The following SLC7A13 variants were observed in gnomAD, a reference collection of about 807,000 sequenced individuals.
SLC7A13 encodes solute carrier family 7 member 13, also known as X-amino acid transporter 2.
In SLC7A13, 31 loss-of-function variants were observed where a neutral mutation model predicts 32.0. That is an observed-to-expected ratio of 0.97 (90% CI 0.73 to 1.31). The LOEUF (loss-of-function observed/expected upper bound fraction) is 1.31. Ranked by LOEUF, SLC7A13 falls within the 50% of genes most tolerant of loss-of-function variation. The pLI, the probability that SLC7A13 is intolerant of heterozygous loss-of-function variation, is 0.00. For missense variants in SLC7A13, 633 were observed against 546.9 expected (o/e 1.16, Z -1.57); for synonymous variants, 232 against 206.9 (o/e 1.12, Z -1.04).
chr8:86,214,663 T>C lies in SLC7A13; in HGVS notation c.1180-17A>G, dbSNP rs754251685. Reference sequence around the variant, plus strand: ...CAAAAACACCTGAAAAGAGCAAAGTTTGAAAAAATATTGGATATGAACATC... The same window carrying C: ...CAAAAACACCTGAAAAGAGCAAAGTCTGAAAAAATATTGGATATGAACATC... On this transcript the variant is annotated splice_polypyrimidine_tract_variant and intron_variant, in intron 3 of 3. Coordinates refer to ENST00000297524, the MANE Select transcript of SLC7A13 (RefSeq NM_138817.3). 4.4e-6 allele frequency: 7 copies of C among 1,573,266 alleles called. No homozygotes were observed. The highest frequency in any genetic ancestry group is 3.5e-6 in the Non-Finnish European group (4 of 1,156,006).
rs148129848 is a variant in SLC7A13, at chr8:86,216,893, G to A, written c.1179+577C>T. Among the ~76,000 whole-genome samples, 354 of 152,250 alleles carry A rather than the reference G, an allele frequency of 2.3e-3. 3 individuals are homozygous for A. The highest frequency in any genetic ancestry group is 7.1e-3 in the African/African-American group (297 of 41,568). Reference sequence around the variant, plus strand: ...ATTTTATTATTCTGATAATCAGACCGTCAGGGCCATCTTTCTCCAATAACG... The same window carrying A: ...ATTTTATTATTCTGATAATCAGACCATCAGGGCCATCTTTCTCCAATAACG... On this transcript the variant is annotated intron_variant, in intron 3 of 3. Coordinates refer to ENST00000297524, the MANE Select transcript of SLC7A13 (RefSeq NM_138817.3).
At position 86,217,619 on chromosome 8, in the gene SLC7A13, CA is replaced by C; in HGVS notation, c.1029del (p.Val344SerfsTer10). On this transcript the variant is annotated frameshift_variant, in exon 3 of 4. Coordinates refer to ENST00000297524, the MANE Select transcript of SLC7A13 (RefSeq NM_138817.3). LOFTEE classifies it high-confidence loss of function. ...HSSPFTAVLL[L>X]VTLGSLAIIL... ...ATAATTGCAAGGGATCCCAAAGTGACAAGTAGTAGCACAGCTGTAAATGGAG... is the reference window on the plus strand; with the variant it reads ...ATAATTGCAAGGGATCCCAAAGTGACAGTAGTAGCACAGCTGTAAATGGAG... 1 of 1,613,234 alleles carries C rather than the reference CA, an allele frequency of 6.2e-7. No individual in the cohort carries two copies. The highest frequency in any genetic ancestry group is 1.1e-5 in the South Asian group (1 of 91,006).
intron 2 of SLC7A13, among the ~76,000 whole-genome samples, chr8:86,221,001 A>AAC (rs1820287338): frequency 1.3e-5 from 2 of 152,044 alleles, no homozygotes; most frequent in East Asian, 3.9e-4. Flanking sequence ...TCAAAAAAAA[A>AAC]AAAAAAAACT....
rs1469654933 is a variant in SLC7A13, at chr8:86,214,288, T to C, written c.*125A>G. The C allele has an allele frequency of 3.1e-6, 2 of 647,932 alleles. No homozygotes were observed. Among genetic ancestry groups the C allele is most frequent in the African/African-American group, 1.8e-5 (1 of 54,708 alleles). The allele number at this position is 647,932 out of a possible 1,614,324, so 40.1% of individuals were successfully genotyped here. A position where few individuals can be genotyped will look rare whatever the true frequency, so the allele number is the denominator to read the frequency against. On this transcript the variant is annotated 3_prime_UTR_variant, in exon 4 of 4. Transcript: ENST00000297524. Reference sequence around the variant, plus strand: ...CTTTTGTATACATTACTTATTTCATTTGAGAAAAAAATATTTACCATAGGA... The same window carrying C: ...CTTTTGTATACATTACTTATTTCATCTGAGAAAAAAATATTTACCATAGGA...
chr8:86,219,550 CAA>C (rs1229932997), intron 2 of SLC7A13, among the ~76,000 whole-genome samples: 1 of 152,128 alleles, frequency 6.6e-6, no homozygotes, highest in Non-Finnish European at 1.5e-5. Flanking sequence ...TCATGCGGAG[CAA>C]TGTAACTACC....
intron 3 of SLC7A13, among the ~76,000 whole-genome samples, chr8:86,216,016 G>A (rs1021190382): frequency 3.9e-5 from 6 of 152,022 alleles, no homozygotes; most frequent in Admixed American, 1.3e-4. Flanking sequence ...ATTTTAGATC[G>A]GAAGAAACTG....
At chr8:86,215,468 A>G (rs558431676) in intron 3 of SLC7A13, 145 of 231,602 alleles carry the variant, frequency 6.3e-4, no homozygotes, top group African/African-American at 3.3e-3. Flanking sequence ...TGGATGGATC[A>G]CGAGATCAGG....
At chr8:86,223,140 A>G in intron 1 of SLC7A13, 37 bp from the exon 2 acceptor site, 4 of 1,520,074 alleles carry the variant, frequency 2.6e-6, no homozygotes, top group Non-Finnish European at 2.6e-6. Context: ...TAATTGGTAA[A>G]CATTATTTCT....
In SLC7A13 at chr8:86,230,347, A is replaced by T. The variant is rs1267386918; in HGVS notation, c.-70T>A. 4 of 1,346,474 alleles carry T rather than the reference A, an allele frequency of 3.0e-6. No homozygotes were observed. 83.4% of individuals were successfully genotyped at this position (1,346,474 alleles called of 1,614,324 possible). A position where few individuals can be genotyped will look rare whatever the true frequency, so the allele number is the denominator to read the frequency against. Reference sequence around the variant, plus strand: ...GATTTTCCTGCCTATGTAGCTGCAAAGGATGTTGATGGATTCCTGAAATAA... The same window carrying T: ...GATTTTCCTGCCTATGTAGCTGCAATGGATGTTGATGGATTCCTGAAATAA... On this transcript the variant is annotated 5_prime_UTR_variant, in exon 1 of 4. Transcript: ENST00000297524.
Position 86,217,554 on chromosome 8 carries a change from GA to G in SLC7A13, c.1094del (p.Phe365SerfsTer10), listed in dbSNP as rs747557046. On this transcript the variant is annotated frameshift_variant, in exon 3 of 4. Coordinates refer to ENST00000297524, the MANE Select transcript of SLC7A13 (RefSeq NM_138817.3). LOFTEE classifies it high-confidence loss of function. ...SLIDLINYIF[F>X]TGSLWSILLM... ...ATAATATAGACCATAATGAACCCGT[GA>G]AAAAAATATAGTTTATCAAATCAAT... is the stretch of plus-strand genomic sequence containing the variant. 4 of 1,612,160 alleles carry G rather than the reference GA, an allele frequency of 2.5e-6. No homozygotes were observed. The African/African-American group carries it at 5.4e-5, about 22-fold the overall frequency.
chr8:86,214,555 T>A lies in SLC7A13; in HGVS notation c.1271A>T (p.Tyr424Phe). ...LVKSPNVHYV[Y>F]VLLLVLSGLL... is the part of the protein sequence containing the mutation. ...TCCGCTGAGAACTAACAGAAGCACG[T>A]AGACATAATGCACATTTGGAGACTT... Residue 424 changes from tyrosine to phenylalanine, a missense_variant, in exon 4 of 4, where the codon TAC (tyrosine) becomes TTC (phenylalanine). Physicochemically the swap from Tyr to Phe is conservative, Grantham distance 22. Coordinates refer to ENST00000297524, the MANE Select transcript of SLC7A13 (RefSeq NM_138817.3). 6.2e-7 allele frequency: 1 copy of A among 1,613,692 alleles called. No individual in the cohort carries two copies. The highest frequency in any genetic ancestry group is 1.7e-5 in the Admixed American group (1 of 59,986).
At chr8:86,215,477 G>A (rs1820165212) in intron 3 of SLC7A13, 1 of 239,482 alleles carries the variant, frequency 4.2e-6, no homozygotes, top group African/African-American at 2.4e-5. Flanking sequence ...CACGAGATCA[G>A]GAGATCGAGA....
chr8:86,225,459 C>G (rs1263039194), intron 1 of SLC7A13, among the ~76,000 whole-genome samples: 1 of 152,052 alleles, frequency 6.6e-6, no homozygotes, highest in Non-Finnish European at 1.5e-5. Flanking sequence ...AGCTTTGGGA[C>G]AAACAAAAGG....
intron 1 of SLC7A13, 65 bp downstream of exon 1, chr8:86,229,528 A>T (rs1563592770): frequency 7.7e-7 from 1 of 1,297,672 alleles, no homozygotes; most frequent in East Asian, 2.3e-5. Context: ...ACAACAAATG[A>T]TATGCATTTC....
chr8:86,223,169 A>G, intron 1 of SLC7A13, 66 bp from the exon 2 acceptor site: 1 of 1,424,116 alleles, frequency 7.0e-7, no homozygotes, highest in Admixed American at 2.4e-5. Flanking sequence ...TTATTTTTAG[A>G]TTATTATTTT....
Position 86,225,055 on chromosome 8 carries a change from G to C in SLC7A13, c.686-1952C>G, listed in dbSNP as rs543681687. Among the ~76,000 whole-genome samples the C allele has an allele frequency of 5.3e-5, 8 of 152,146 alleles. No homozygotes were observed. In the East Asian group the frequency reaches 1.5e-3, roughly 29 times the overall value. On this transcript the variant is annotated intron_variant, in intron 1 of 3. Coordinates refer to ENST00000297524, the MANE Select transcript of SLC7A13 (RefSeq NM_138817.3). ...TTCCCTATTTTTTGTTGCTTCCTAA[G>C]ATGTGTTGCACAAATCTTCCTTAAA...
intron 2 of SLC7A13, 52 bp downstream of exon 2, chr8:86,222,920 A>C (rs1000189834): frequency 1.4e-6 from 2 of 1,480,884 alleles, no homozygotes; most frequent in Non-Finnish European, 1.8e-6. Flanking sequence ...AATGATAGTT[A>C]CGTTGAAAGG....
In SLC7A13 at chr8:86,214,247, G is replaced by C; in HGVS notation, c.*166C>G. On this transcript the variant is annotated 3_prime_UTR_variant, in exon 4 of 4. Transcript: ENST00000297524. ...CAATTTCTTAGTGACTCTGAAGCCA[G>C]GTACTGTCTTAGGCACTTTTGTATA... 1.9e-6 allele frequency: 1 copy of C among 515,478 alleles called. No homozygotes were observed. Among genetic ancestry groups the C allele is most frequent in the South Asian group, 3.3e-5 (1 of 30,238 alleles). The allele number at this position is 515,478 out of a possible 1,614,324, so 31.9% of individuals were successfully genotyped here.
At chr8:86,224,776 A>G (rs1820360517) in intron 1 of SLC7A13, among the ~76,000 whole-genome samples, 1 of 152,242 alleles carries the variant, frequency 6.6e-6, no homozygotes, top group Non-Finnish European at 1.5e-5. Flanking sequence ...AGGAAAATTT[A>G]TCTCAAGAAT....
Sources: allele counts gnomAD v4.1 joint callset (sites outside exome capture counted in the v4.1 genomes callset), GRCh38; gene constraint gnomAD v4.1.1; transcripts MANE v1.5; gene names NCBI Gene and HGNC (gene_info 2026-07-23, HGNC 2026-07-21).